PRR5L: variants seen among roughly 807,000 people sequenced by gnomAD.
PRR5L encodes proline rich 5 like.
In PRR5L, 21 loss-of-function variants were observed where a neutral mutation model predicts 36.4. That is an observed-to-expected ratio of 0.58 (90% confidence interval 0.41 to 0.83). The LOEUF (loss-of-function observed/expected upper bound fraction) is 0.83, where lower values mean the gene tolerates loss of function less well. Ranked by LOEUF, PRR5L falls within the 40% of genes least tolerant of loss-of-function variation. The pLI is 0.00. For missense variants in PRR5L, 381 were observed against 473.3 expected (o/e 0.80, Z 1.81); for synonymous variants, 188 against 197.0 (o/e 0.95, Z 0.38).
At chr11:36,321,386 C>CT (rs923874229) in intron 1 of PRR5L, 2 of 152,328 alleles carry the variant, frequency 1.3e-5, no homozygotes, top group African/African-American at 4.8e-5. Flanking sequence ...CTCTCAGTAG[C>CT]TTTTTCAGAA....
At chr11:36,404,283 T>TC (rs1554926369) in intron 3 of PRR5L, among the ~76,000 whole-genome samples, 2 of 113,932 alleles carry the variant, frequency 1.8e-5, no homozygotes, top group Admixed American at 1.5e-4. Flanking sequence ...TTTTTTTTTT[T>TC]TTTTTTTAAA....
chr11:36,361,873 C>T lies in PRR5L; in HGVS notation c.-125-39124C>T, dbSNP rs938113892. On this transcript the variant is annotated intron_variant, in intron 1 of 8. Coordinates refer to ENST00000530639, the MANE Select transcript of PRR5L (RefSeq NM_001160167.2). ...TGGAATGGCTGTTAAAGAGAGATCG[C>T]GAGCCTCTCTTCCCTCGAGGGGCTT... 4.6e-5 allele frequency among the ~76,000 whole-genome samples: 7 copies of T among 152,086 alleles called. No individual in the cohort carries two copies. In the South Asian group the frequency reaches 8.3e-4, roughly 18 times the overall value.
intron 1 of PRR5L, among the ~76,000 whole-genome samples, chr11:36,347,902 C>A (rs966173006): frequency 6.6e-6 from 1 of 152,024 alleles, no homozygotes; most frequent in South Asian, 2.1e-4. Context: ...GGTTTTGCAA[C>A]CCTGGAAAAG....
chr11:36,444,914 G>C (rs1283256614), intron 6 of PRR5L, among the ~76,000 whole-genome samples: 1 of 152,198 alleles, frequency 6.6e-6, no homozygotes, highest in Non-Finnish European at 1.5e-5. Context: ...TGTTGCCTCA[G>C]CATCTCTGTC....
At chr11:36,396,497 C>T (rs773571965) in intron 1 of PRR5L, among the ~76,000 whole-genome samples, 2 of 152,222 alleles carry the variant, frequency 1.3e-5, no homozygotes, top group Non-Finnish European at 2.9e-5. Context: ...GCTACTGCGT[C>T]ACCAGAAGCA....
intron 1 of PRR5L, among the ~76,000 whole-genome samples, chr11:36,333,799 G>C (rs777021084): frequency 5.9e-5 from 9 of 152,132 alleles, no homozygotes; most frequent in South Asian, 2.1e-4. Context: ...TGGTTGTGTT[G>C]GTAGTTGCAC....
chr11:36,424,340 A>T (rs1414843999), intron 4 of PRR5L, among the ~76,000 whole-genome samples: 1 of 152,216 alleles, frequency 6.6e-6, no homozygotes, highest in Non-Finnish European at 1.5e-5. Flanking sequence ...ATTCCTCCTA[A>T]ATCATGGAAG....
At chr11:36,326,903 G>A (rs916421216) in intron 1 of PRR5L, among the ~76,000 whole-genome samples, 1 of 152,188 alleles carries the variant, frequency 6.6e-6, no homozygotes, top group Non-Finnish European at 1.5e-5. Context: ...TCTGCACTGG[G>A]TGAATTCCAC....
chr11:36,348,198 A>G (rs527335287), intron 1 of PRR5L, among the ~76,000 whole-genome samples: 1 of 151,952 alleles, frequency 6.6e-6, no homozygotes, highest in South Asian at 2.1e-4. Context: ...ACTTCACAAC[A>G]TTTCACCCCA....
At position 36,401,246 on chromosome 11, in the gene PRR5L, G is replaced by C. The variant is rs773749653; in HGVS notation, c.125G>C (p.Arg42Pro). The stretch of plus-strand genomic sequence containing the variant: ...GACCTTCCCCGATTCCAAGCAGCTC[G>C]GCAGGCTCTGCAGCTGAGCTCCAGC... ...LSDLPRFQAA[R>P]QALQLSSSSA... The change falls in exon 2 of 9, where the codon CGG becomes CCG. Residue 42 changes from arginine to proline, a missense_variant. Transcript: ENST00000530639. 6.2e-7 allele frequency: 1 copy of C among 1,612,976 alleles called. No homozygotes were observed. Among genetic ancestry groups the C allele is most frequent in the African/African-American group, 1.3e-5 (1 of 74,892 alleles).
chr11:36,418,364 T>C (rs181469815), intron 3 of PRR5L, among the ~76,000 whole-genome samples: 6 of 152,258 alleles, frequency 3.9e-5, no homozygotes, highest in African/African-American at 1.4e-4. Flanking sequence ...GAGGGGGTTC[T>C]GGATTTGGAG....
intron 1 of PRR5L, among the ~76,000 whole-genome samples, chr11:36,380,252 A>G (rs1450241335): frequency 3.3e-5 from 5 of 152,166 alleles, no homozygotes. Context: ...GGCGCTGTGG[A>G]TATTGTGAAT....
intron 1 of PRR5L, among the ~76,000 whole-genome samples, chr11:36,298,127 C>T (rs1038931372): frequency 6.6e-6 from 1 of 152,126 alleles, no homozygotes; most frequent in Non-Finnish European, 1.5e-5. Context: ...CCTTAGTTCC[C>T]TGGCATCTAA....
At chr11:36,350,753 T>C (rs529002245) in intron 1 of PRR5L, among the ~76,000 whole-genome samples, 4 of 151,112 alleles carry the variant, frequency 2.6e-5, no homozygotes, top group African/African-American at 9.7e-5. Flanking sequence ...TGCATCCTTA[T>C]AGCTTAGCTC....
At chr11:36,413,560 T>A (rs71481977) in intron 3 of PRR5L, among the ~76,000 whole-genome samples, 19,609 of 152,076 alleles carry the variant, frequency 0.13, 1,365 homozygotes, top group African/African-American at 0.17. Context: ...AAACCAGTTT[T>A]CCATTCTCTT....
intron 6 of PRR5L, among the ~76,000 whole-genome samples, chr11:36,441,453 C>T (rs879453239): frequency 6.6e-6 from 1 of 152,240 alleles, no homozygotes; most frequent in Admixed American, 6.5e-5. Context: ...ACATCCAGGA[C>T]ATACTGATGC....
At chr11:36,364,980 A>C (rs330257) in intron 1 of PRR5L, among the ~76,000 whole-genome samples, 2 of 151,964 alleles carry the variant, frequency 1.3e-5, no homozygotes, top group Admixed American at 1.3e-4. Flanking sequence ...ATTCCCCAAT[A>C]GACAGTTCAG....
chr11:36,351,298 A>ATATATATT (rs1565407355), intron 1 of PRR5L, among the ~76,000 whole-genome samples: 2 of 5,410 alleles, frequency 3.7e-4, no homozygotes, highest in African/African-American at 6.5e-4. Context: ...TTATATATTT[A>ATATATATT]TATATATATT....
Position 36,377,457 on chromosome 11 carries a change from C to A in PRR5L, c.-125-23540C>A, listed in dbSNP as rs2133520982. The A allele has an allele frequency of 6.6e-6, 1 of 152,398 alleles. No homozygotes were observed. Among genetic ancestry groups the A allele is most frequent in the South Asian group, 2.1e-4 (1 of 4,836 alleles). The allele number at this position is 152,398 out of a possible 1,614,324, so 9.4% of individuals were successfully genotyped here. The stretch of plus-strand genomic sequence containing the variant: ...GTGCGCGCATGCCGGGCTCGCTGCA[C>A]GCAGGGGGCGCTCTAGGGGCCCCGC... On this transcript the variant is annotated intron_variant, in intron 1 of 8. Transcript: ENST00000530639. This position sits in a 1 kb window ranked among gnomAD's most constrained non-coding sequence, Gnocchi z 5.1.
Sources: gnomAD v4.1 joint callset for allele counts (sites outside exome capture counted in the v4.1 genomes callset) on GRCh38, gnomAD v4.1.1 for gene constraint, Gnocchi (gnomAD v3.1) non-coding constraint, MANE v1.5 for transcripts, NCBI Gene and HGNC (gene_info 2026-07-23, HGNC 2026-07-21) for gene names.